The following CHSY3 variants were observed in gnomAD, a reference collection of about 807,000 sequenced individuals.
CHSY3 encodes the protein N-acetylgalactosaminyl-proteoglycan 3-beta-glucuronosyltransferase 3.
CHSY3 carries 35 observed loss-of-function variants against 67.2 expected under a neutral mutation model. The ratio of observed to expected loss-of-function variants is 0.52; its 90% CI spans 0.40 to 0.69. The LOEUF (loss-of-function observed/expected upper bound fraction) is 0.69, where lower values mean the gene tolerates loss of function less well. Ranked by LOEUF, CHSY3 falls within the 30% of genes least tolerant of loss-of-function variation. The pLI is 0.00. For missense variants in CHSY3, 1,069 were observed against 1,138.5 expected, an observed-to-expected ratio of 0.94 and a Z score of 0.88; for synonymous variants, 474 against 434.7, an observed-to-expected ratio of 1.09 and a Z score of -1.12.
chr5:129,990,537 A>G (rs970970728), intron 2 of CHSY3, among the ~76,000 whole-genome samples: 1 of 152,160 alleles, frequency 6.6e-6, no homozygotes, highest in Admixed American at 6.6e-5. Context: ...ATGGATAAGT[A>G]ATATATTAAC....
rs936636984 is a variant in CHSY3, at chr5:130,044,057, A to G, written c.1086+135697A>G. Reference sequence around the variant, plus strand: ...AGAGAGAGATCAGAGTTGGAAATACATATGCTGAAATATGTAAATCTTCAG... The same window carrying G: ...AGAGAGAGATCAGAGTTGGAAATACGTATGCTGAAATATGTAAATCTTCAG... On this transcript the variant is annotated intron_variant, in intron 2 of 2. Coordinates refer to ENST00000305031, the MANE Select transcript of CHSY3 (RefSeq NM_175856.5). 3.3e-5 allele frequency among the ~76,000 whole-genome samples: 5 copies of G among 152,248 alleles called. No homozygotes were observed. In the South Asian group the frequency reaches 6.2e-4, roughly 19 times the overall value.
At chr5:130,155,285 C>T (rs1375547709) in intron 2 of CHSY3, among the ~76,000 whole-genome samples, 1 of 152,160 alleles carries the variant, frequency 6.6e-6, no homozygotes, top group Non-Finnish European at 1.5e-5. Flanking sequence ...AAAAAATGTG[C>T]ACATAAAAGA....
At chr5:129,970,146 T>C (rs1319345563) in intron 2 of CHSY3, among the ~76,000 whole-genome samples, 1 of 151,828 alleles carries the variant, frequency 6.6e-6, no homozygotes, top group African/African-American at 2.4e-5. Context: ...ACGTCAGCCT[T>C]TTGTTTGCTT....
intron 2 of CHSY3, among the ~76,000 whole-genome samples, chr5:130,124,039 CAAAAAAAA>C (rs11297427): frequency 8.6e-5 from 5 of 58,232 alleles, no homozygotes; most frequent in African/African-American, 3.7e-4. Context: ...GACTCCATCT[CAAAAAAAA>C]AAAAAAAAAA....
chr5:129,989,382 C>T (rs1763295821), intron 2 of CHSY3, among the ~76,000 whole-genome samples: 1 of 151,386 alleles, frequency 6.6e-6, no homozygotes, highest in South Asian at 2.1e-4. Context: ...CTGCCTCAGT[C>T]TCTCAAGTAC....
chr5:129,970,949 G>C (rs1254334410), intron 2 of CHSY3, among the ~76,000 whole-genome samples: 1 of 151,748 alleles, frequency 6.6e-6, no homozygotes, highest in African/African-American at 2.4e-5. Context: ...ATAAACATAA[G>C]GTTATAGCAG....
At chr5:130,125,430 G>GATAA (rs1390108820) in intron 2 of CHSY3, among the ~76,000 whole-genome samples, 1 of 151,566 alleles carries the variant, frequency 6.6e-6, no homozygotes, top group African/African-American at 2.4e-5. Context: ...TAGATAGATA[G>GATAA]ATAGATAGAT....
chr5:130,035,991 A>C (rs987372323), intron 2 of CHSY3, among the ~76,000 whole-genome samples: 6 of 147,390 alleles, frequency 4.1e-5, no homozygotes, highest in Non-Finnish European at 7.4e-5. Context: ...AAAGATGTAC[A>C]TTCTAAAAAT....
At chr5:130,178,183 G>A (rs1327337539) in intron 2 of CHSY3, among the ~76,000 whole-genome samples, 1 of 113,674 alleles carries the variant, frequency 8.8e-6, no homozygotes, top group East Asian at 2.3e-4. Context: ...ATATATGTGT[G>A]TGTGTATATA....
rs1765859513 is a variant in CHSY3, at chr5:130,065,599, AC to A, written c.1087-118629del. Among the ~76,000 whole-genome samples, 3 of 152,202 alleles carry A rather than the reference AC, an allele frequency of 2.0e-5. No individual in the cohort carries two copies. In the South Asian group the frequency reaches 6.2e-4, roughly 32 times the overall value. ...TGGTGAAGATCACAGACTACCAAAG[AC>A]TGTCCCTGAGAACCTTAGTGATCAA... On this transcript the variant is annotated intron_variant, in intron 2 of 2. Coordinates refer to ENST00000305031, the MANE Select transcript of CHSY3 (RefSeq NM_175856.5).
At chr5:130,123,161 A>G (rs1394417951) in intron 2 of CHSY3, among the ~76,000 whole-genome samples, 1 of 152,214 alleles carries the variant, frequency 6.6e-6, no homozygotes, top group Non-Finnish European at 1.5e-5. Flanking sequence ...AATTTTATAT[A>G]GTTGCCACTA....
intron 2 of CHSY3, among the ~76,000 whole-genome samples, chr5:130,177,857 G>A (rs1770102275): frequency 6.6e-6 from 1 of 151,904 alleles, no homozygotes; most frequent in African/African-American, 2.4e-5. Context: ...CTGTTCCTCT[G>A]CTCACTCATT....
At chr5:130,147,097 A>G (rs771278840) in intron 2 of CHSY3, among the ~76,000 whole-genome samples, 1 of 152,114 alleles carries the variant, frequency 6.6e-6, no homozygotes, top group Non-Finnish European at 1.5e-5. Flanking sequence ...CCAGGCCTTC[A>G]TATGTTTTTA....
At chr5:129,919,467 T>C (rs1760846301) in intron 2 of CHSY3, among the ~76,000 whole-genome samples, 1 of 152,132 alleles carries the variant, frequency 6.6e-6, no homozygotes, top group African/African-American at 2.4e-5. Context: ...AAAAGAGGTT[T>C]AATGGACTCA....
chr5:129,908,892 G>T (rs1328302326), intron 2 of CHSY3, among the ~76,000 whole-genome samples: 2 of 152,006 alleles, frequency 1.3e-5, no homozygotes, highest in African/African-American at 2.4e-5. Context: ...ATCATTTATG[G>T]TAGATGTATT....
At position 129,919,633 on chromosome 5, in the gene CHSY3, A is replaced by C. The variant is rs553587129; in HGVS notation, c.1086+11273A>C. Among the ~76,000 whole-genome samples the C allele has an allele frequency of 2.6e-4, 40 of 152,280 alleles. No homozygotes were observed. The East Asian group carries it at 6.6e-3, about 25-fold the overall frequency. The stretch of plus-strand genomic sequence containing the variant: ...GTGAGACTTATTCACTACCATGAGA[A>C]CAGTATGAGGGAAACGGCCCCATGA... On this transcript the variant is annotated intron_variant, in intron 2 of 2. Transcript: ENST00000305031.
At chr5:130,099,335 A>T (rs1767152438) in intron 2 of CHSY3, among the ~76,000 whole-genome samples, 1 of 152,214 alleles carries the variant, frequency 6.6e-6, no homozygotes, top group Non-Finnish European at 1.5e-5. Flanking sequence ...CTCCTTTGAT[A>T]TGCTGGTAGC....
At chr5:129,934,914 G>A (rs1261230288) in intron 2 of CHSY3, among the ~76,000 whole-genome samples, 1 of 152,080 alleles carries the variant, frequency 6.6e-6, no homozygotes, top group Non-Finnish European at 1.5e-5. Context: ...TTGGCACTCC[G>A]AAATGCAGAA....
At chr5:130,145,679 A>G (rs927228098) in intron 2 of CHSY3, among the ~76,000 whole-genome samples, 8 of 152,160 alleles carry the variant, frequency 5.3e-5, no homozygotes, top group Non-Finnish European at 1.2e-4. Context: ...CAATGGGAGA[A>G]AAATATTTGC....
Sources: allele counts gnomAD v4.1 joint callset (sites outside exome capture counted in the v4.1 genomes callset), GRCh38; gene constraint gnomAD v4.1.1; transcripts MANE v1.5; gene names NCBI Gene and HGNC (gene_info 2026-07-23, HGNC 2026-07-21).